Variants in PDE10A observed in about 807,000 individuals in gnomAD.
PDE10A encodes the protein phosphodiesterase 10A, also known as cAMP and cAMP-inhibited cGMP 3',5'-cyclic phosphodiesterase 10A.
A neutral mutation model predicts 97.7 loss-of-function variants in PDE10A; 39 were observed. That is an observed-to-expected ratio of 0.40 (90% CI 0.31 to 0.52). The LOEUF (loss-of-function observed/expected upper bound fraction) is 0.52. Among genes scored for constraint, PDE10A ranks in the 20% least tolerant of loss-of-function variants. The probability of loss-of-function intolerance (pLI) is 0.56; values close to 1 mark genes in which losing one functional copy is unlikely to be tolerated. For missense variants in PDE10A, 731 were observed against 1,047.8 expected, an observed-to-expected ratio of 0.70 and a Z score of 4.17; for synonymous variants, 371 against 376.8, an observed-to-expected ratio of 0.98 and a Z score of 0.18.
intron 1 of PDE10A, among the ~76,000 whole-genome samples, chr6:165,970,909 G>A (rs1784649137): frequency 6.6e-6 from 1 of 152,104 alleles, no homozygotes; most frequent in Admixed American, 6.5e-5. Context: ...CACTTTGGGA[G>A]GCCAAGGCAG....
At position 165,413,540 on chromosome 6, in the gene PDE10A, C is replaced by T; in HGVS notation, c.2037G>A (p.Met679Ile). Residue 679 changes from methionine (M) to isoleucine (I), a missense_variant, in exon 13 of 22, where the codon ATG (methionine) becomes ATA (isoleucine). This residue lies in a region of PDE10A where 4 missense variants were observed against 32.1 expected (regional missense o/e 0.12). Coordinates refer to ENST00000539869, the MANE Select transcript of PDE10A (RefSeq NM_001385079.1). The part of the protein sequence containing the change: ...FSKTDENNFK[M>I]FAVFCALALH... The stretch of plus-strand genomic sequence containing the variant: ...AGGCTAAAGCACAAAAGACGGCAAA[C>T]ATTTTGAAGTTGTTTTCATCTGTTT... 1 of 1,614,116 alleles carries T rather than the reference C, an allele frequency of 6.2e-7. No individual in the cohort carries two copies. Among genetic ancestry groups the T allele is most frequent in the Non-Finnish European group, 8.5e-7 (1 of 1,179,996 alleles).
chr6:165,790,038 C>T (rs1562737854), intron 1 of PDE10A, among the ~76,000 whole-genome samples: 1 of 152,126 alleles, frequency 6.6e-6, no homozygotes, highest in African/African-American at 2.4e-5. Context: ...GAGGAAGGCA[C>T]GCTCTGAAGA....
chr6:165,927,978 T>A (rs1782997528), intron 1 of PDE10A, among the ~76,000 whole-genome samples: 1 of 150,982 alleles, frequency 6.6e-6, no homozygotes, highest in Admixed American at 6.6e-5. Flanking sequence ...ATTACAGGCG[T>A]GAGCCACCAC....
At chr6:165,903,533 C>G (rs1242561321) in intron 1 of PDE10A, among the ~76,000 whole-genome samples, 1 of 152,044 alleles carries the variant, frequency 6.6e-6, no homozygotes, top group African/African-American at 2.4e-5. Context: ...TGGAGGAAGG[C>G]AAATAAGATT....
At chr6:165,651,016 G>A (rs967891609) in intron 1 of PDE10A, among the ~76,000 whole-genome samples, 2 of 152,188 alleles carry the variant, frequency 1.3e-5, no homozygotes, top group African/African-American at 2.4e-5. Flanking sequence ...GATTATAGGC[G>A]TGAGCCACCA....
chr6:165,369,577 G>C (rs1784076451), intron 18 of PDE10A, among the ~76,000 whole-genome samples: 1 of 146,578 alleles, frequency 6.8e-6, no homozygotes, highest in Non-Finnish European at 1.5e-5. Context: ...ATGGGACTAT[G>C]TGAAAAGACC....
intron 10 of PDE10A, among the ~76,000 whole-genome samples, chr6:165,422,472 C>T (rs1447537246): frequency 7.6e-6 from 1 of 131,532 alleles, no homozygotes. Flanking sequence ...GGCATACACA[C>T]ATACGCATAC....
At chr6:165,511,545 G>GA (rs762047811) in intron 2 of PDE10A, among the ~76,000 whole-genome samples, 48 of 151,940 alleles carry the variant, frequency 3.2e-4, no homozygotes, top group Non-Finnish European at 6.3e-4. Context: ...CCAAACACCA[G>GA]TTTAAACACA....
intron 1 of PDE10A, among the ~76,000 whole-genome samples, chr6:165,544,503 GAATT>G (rs1160990263): frequency 6.6e-6 from 1 of 151,360 alleles, no homozygotes; most frequent in Non-Finnish European, 1.5e-5. Context: ...TCAGTGACGG[GAATT>G]ATTTTTACTA....
chr6:165,947,697 A>G (rs953854209), intron 1 of PDE10A, among the ~76,000 whole-genome samples: 5 of 152,248 alleles, frequency 3.3e-5, no homozygotes, highest in East Asian at 1.9e-4. Flanking sequence ...ACGTATTTTT[A>G]TTGATTCAAT....
rs13211302 is a variant in PDE10A, at chr6:165,958,555, A to G, written c.-615+28974T>C. 6.1e-3 allele frequency among the ~76,000 whole-genome samples: 316 copies of G among 51,830 alleles called. 14 individuals are homozygous for G. The highest frequency in any genetic ancestry group is 0.018 in the African/African-American group (251 of 14,132). 34.0% of individuals were successfully genotyped at this position (51,830 alleles called of 152,430 possible). ...AAAGAAAGAAAGAAAGAAAGAAAGA[A>G]AGAAAGAAAGACAGACAGAAAGAAA... On this transcript the variant is annotated intron_variant, in intron 1 of 19. Coordinates refer to the PDE10A transcript ENST00000366882.
chr6:165,856,785 A>G (rs540014285), intron 1 of PDE10A, among the ~76,000 whole-genome samples: 1 of 152,226 alleles, frequency 6.6e-6, no homozygotes, highest in African/African-American at 2.4e-5. Context: ...ACGTTCATAA[A>G]TTTTCTCTGT....
At chr6:165,453,018 A>C in intron 3 of PDE10A, among the ~76,000 whole-genome samples, 1 of 152,226 alleles carries the variant, frequency 6.6e-6, no homozygotes, top group East Asian at 1.9e-4. Context: ...GAGGTATCAG[A>C]TGGAAATGAA....
At chr6:165,907,232 C>T (rs912707422) in intron 1 of PDE10A, among the ~76,000 whole-genome samples, 5 of 152,212 alleles carry the variant, frequency 3.3e-5, no homozygotes, top group Non-Finnish European at 7.3e-5. Context: ...GCAGGCCTGC[C>T]GCCGTGGTTG....
chr6:165,874,222 T>G (rs1401608572), intron 1 of PDE10A, among the ~76,000 whole-genome samples: 1 of 152,246 alleles, frequency 6.6e-6, no homozygotes, highest in African/African-American at 2.4e-5. Flanking sequence ...TTTCTCATTT[T>G]GCCTTCATTA....
chr6:165,865,606 A>C (rs548918394), intron 1 of PDE10A, among the ~76,000 whole-genome samples: 1 of 152,278 alleles, frequency 6.6e-6, no homozygotes, highest in South Asian at 2.1e-4. Context: ...AAAGGAACCA[A>C]ATATAAATCC....
At chr6:165,445,958 A>C (rs1000426428) in intron 5 of PDE10A, among the ~76,000 whole-genome samples, 2 of 152,148 alleles carry the variant, frequency 1.3e-5, no homozygotes, top group African/African-American at 4.8e-5. Context: ...CACATAAGCA[A>C]AAAAGTCACC....
chr6:165,386,624 C>T (rs1279609115), intron 17 of PDE10A, among the ~76,000 whole-genome samples: 1 of 152,052 alleles, frequency 6.6e-6, no homozygotes, highest in Non-Finnish European at 1.5e-5. Context: ...GAATGTTCAT[C>T]CATTTACAAA....
intron 1 of PDE10A, among the ~76,000 whole-genome samples, chr6:165,697,082 A>G (rs773902561): frequency 2.0e-4 from 30 of 152,224 alleles, no homozygotes; most frequent in Non-Finnish European, 3.7e-4. Context: ...ATATCATGGA[A>G]GTACCAGAAA....
Sources: allele counts gnomAD v4.1 joint callset (sites outside exome capture counted in the v4.1 genomes callset), GRCh38; gene constraint gnomAD v4.1.1; regional missense constraint gnomAD v4.1.1; transcripts MANE v1.5; gene names NCBI Gene and HGNC (gene_info 2026-07-23, HGNC 2026-07-21).